DIAPH3: variants seen among roughly 807,000 people sequenced by gnomAD.
DIAPH3 encodes diaphanous related formin 3, also known as protein diaphanous homolog 3.
In DIAPH3, 117 loss-of-function variants were observed where a neutral mutation model predicts 144.3. The observed-to-expected ratio is 0.81, with a 90% CI of 0.70 to 0.95. DIAPH3 has a LOEUF of 0.95. Ranked by LOEUF, DIAPH3 falls within the 40% of genes least tolerant of loss-of-function variation. The pLI is 0.00. For missense variants in DIAPH3, 1,421 were observed against 1,412.7 expected (o/e 1.01, Z -0.09); for synonymous variants, 519 against 488.9 (o/e 1.06, Z -0.81).
At chr13:59,683,512 C>A (rs964652663) in intron 27 of DIAPH3, among the ~76,000 whole-genome samples, 2 of 151,820 alleles carry the variant, frequency 1.3e-5, no homozygotes, top group African/African-American at 4.8e-5. Context: ...CTAATCCAGA[C>A]TAATGAACTA....
chr13:59,827,353 C>T lies in DIAPH3; in HGVS notation c.3027+5754G>A, dbSNP rs1169847912. 2.0e-5 allele frequency among the ~76,000 whole-genome samples: 3 copies of T among 152,024 alleles called. 1 individual carries two copies. Among genetic ancestry groups the T allele is most frequent in the Admixed American group, 2.0e-4 (3 of 15,256 alleles). The stretch of plus-strand genomic sequence containing the variant: ...ATTTACAAGGAAAAAACAAACAACC[C>T]CATCAAAAACTGGGCGAAGGATAAA... On this transcript the variant is annotated intron_variant, in intron 24 of 27. Coordinates refer to ENST00000400324, the MANE Select transcript of DIAPH3 (RefSeq NM_001042517.2).
chr13:59,803,078 G>C (rs1166766477), intron 25 of DIAPH3, among the ~76,000 whole-genome samples: 1 of 152,158 alleles, frequency 6.6e-6, no homozygotes, highest in Non-Finnish European at 1.5e-5. Flanking sequence ...GATTAGTGGA[G>C]ACAGCTAAGG....
chr13:59,811,037 G>C, intron 24 of DIAPH3, 114 bp from the exon 25 acceptor site: 5 of 985,164 alleles, frequency 5.1e-6, no homozygotes, highest in Non-Finnish European at 7.5e-6. Context: ...TTTAGATAAT[G>C]GTGAGTTATG....
chr13:59,772,128 A>C (rs2038155806), intron 27 of DIAPH3, among the ~76,000 whole-genome samples: 1 of 152,052 alleles, frequency 6.6e-6, no homozygotes, highest in Non-Finnish European at 1.5e-5. Flanking sequence ...ATTTTCAATG[A>C]AAAAAAGTAG....
intron 27 of DIAPH3, among the ~76,000 whole-genome samples, chr13:59,763,388 G>A (rs1303388258): frequency 6.6e-6 from 1 of 151,784 alleles, no homozygotes; most frequent in Non-Finnish European, 1.5e-5. Context: ...CATTGAAATA[G>A]TCTTTTAGGC....
At position 59,908,577 on chromosome 13, in the gene DIAPH3, G is replaced by A. The variant is rs529186109; in HGVS notation, c.2367+3158C>T. ...ATGTTTTTTAACTAATTCTTATGGA[G>A]AATTAAAGTTGATTATATAATGCAA... On this transcript the variant is annotated intron_variant, in intron 20 of 27. Transcript: ENST00000400324. Among the ~76,000 whole-genome samples, 4 of 151,938 alleles carry A rather than the reference G, an allele frequency of 2.6e-5. No homozygotes were observed. In the South Asian group the frequency reaches 8.3e-4, roughly 32 times the overall value.
intron 27 of DIAPH3, among the ~76,000 whole-genome samples, chr13:59,765,917 G>A (rs564685044): frequency 1.3e-5 from 2 of 152,260 alleles, no homozygotes; most frequent in South Asian, 2.1e-4. Flanking sequence ...GTTGGCACAT[G>A]CCTGGAAGAA....
At chr13:59,671,281 T>C (rs2032360122) in intron 27 of DIAPH3, among the ~76,000 whole-genome samples, 2 of 152,208 alleles carry the variant, frequency 1.3e-5, no homozygotes, top group Admixed American at 6.5e-5. Flanking sequence ...CATATGAAGT[T>C]AGACAGTTAC....
intron 1 of DIAPH3, among the ~76,000 whole-genome samples, chr13:60,142,843 G>C (rs920983100): frequency 1.6e-4 from 24 of 151,684 alleles, no homozygotes; most frequent in African/African-American, 5.6e-4. Flanking sequence ...CTGCAGTCTC[G>C]AACTACTGAG....
intron 25 of DIAPH3, among the ~76,000 whole-genome samples, chr13:59,806,229 C>T (rs1593497579): frequency 6.6e-6 from 1 of 151,954 alleles, no homozygotes; most frequent in African/African-American, 2.4e-5. Context: ...TTCAATAATT[C>T]ACCCTTCCAC....
chr13:59,891,834 T>C (rs561801169), intron 20 of DIAPH3, among the ~76,000 whole-genome samples: 2 of 152,182 alleles, frequency 1.3e-5, no homozygotes, highest in African/African-American at 4.8e-5. Flanking sequence ...GCTGTAATAG[T>C]TACCGGTTGA....
chr13:59,929,710 C>A (rs537964142), intron 17 of DIAPH3, among the ~76,000 whole-genome samples: 1 of 151,258 alleles, frequency 6.6e-6, no homozygotes, highest in Non-Finnish European at 1.5e-5. Context: ...TTTACAGGCT[C>A]ATGCCATTAT....
chr13:59,667,698 T>A (rs373099375), intron 27 of DIAPH3, among the ~76,000 whole-genome samples: 9 of 152,180 alleles, frequency 5.9e-5, no homozygotes, highest in African/African-American at 2.2e-4. Context: ...TATTGGTAAG[T>A]GATGGTAATG....
At chr13:59,838,681 T>G (rs574639857) in intron 23 of DIAPH3, 1 of 152,398 alleles carries the variant, frequency 6.6e-6, no homozygotes, top group South Asian at 2.1e-4. Context: ...AGAGTCAAAC[T>G]TCCTCAACCT....
intron 25 of DIAPH3, among the ~76,000 whole-genome samples, chr13:59,805,525 A>C (rs73543215): frequency 1.6e-3 from 245 of 152,062 alleles, no homozygotes; most frequent in African/African-American, 5.7e-3. Flanking sequence ...AATAGTTCAA[A>C]CTCAAGCATC....
chr13:59,852,218 G>T (rs1046665631), intron 22 of DIAPH3, among the ~76,000 whole-genome samples: 1 of 152,142 alleles, frequency 6.6e-6, no homozygotes, highest in African/African-American at 2.4e-5. Context: ...ATACTTAAAG[G>T]TGATCTCTTC....
chr13:59,876,206 C>G lies in DIAPH3; in HGVS notation c.2607+3023G>C, dbSNP rs183932739. 6.6e-5 allele frequency among the ~76,000 whole-genome samples: 10 copies of G among 152,244 alleles called. No homozygotes were observed. In the East Asian group the frequency reaches 1.9e-3, roughly 29 times the overall value. ...TATACTCAGTGTGAAAATTCAATCA[C>G]AATTGTCAAAGATCAAGCTGCTACT... is the stretch of plus-strand genomic sequence containing the variant. On this transcript the variant is annotated intron_variant, in intron 21 of 27. Coordinates refer to ENST00000400324, the MANE Select transcript of DIAPH3 (RefSeq NM_001042517.2).
intron 20 of DIAPH3, among the ~76,000 whole-genome samples, chr13:59,901,511 C>T (rs1158292648): frequency 1.3e-5 from 2 of 152,204 alleles, no homozygotes; most frequent in African/African-American, 4.8e-5. Context: ...CACACTCATC[C>T]TACCACTTCC....
chr13:59,952,075 T>C (rs966337350), intron 17 of DIAPH3, among the ~76,000 whole-genome samples: 1 of 152,100 alleles, frequency 6.6e-6, no homozygotes, highest in African/African-American at 2.4e-5. Context: ...TATTCAACCA[T>C]TAAAAGAAAC....
Sources: allele counts gnomAD v4.1 joint callset (sites outside exome capture counted in the v4.1 genomes callset), GRCh38; gene constraint gnomAD v4.1.1; transcripts MANE v1.5; gene names NCBI Gene and HGNC (gene_info 2026-07-23, HGNC 2026-07-21).